Variants in MICAL2 observed in about 807,000 individuals in gnomAD.
MICAL2 encodes [F-actin]-monooxygenase MICAL2.
A neutral mutation model predicts 127.3 loss-of-function variants in MICAL2; 77 were observed. The ratio of observed to expected loss-of-function variants is 0.60; its 90% confidence interval spans 0.50 to 0.73. The LOEUF (loss-of-function observed/expected upper bound fraction) is 0.73. Ranked by LOEUF, MICAL2 falls within the 30% of genes least tolerant of loss-of-function variation. The pLI is 0.00. For synonymous variants in MICAL2, 570 were observed against 551.1 expected (o/e 1.03, Z -0.48); for missense variants, 1,351 against 1,434.4 (o/e 0.94, Z 0.94).
chr11:12,265,113 C>A (rs747725045), downstream of MICAL2, among the ~76,000 whole-genome samples: 1 of 152,214 alleles, frequency 6.6e-6, no homozygotes, highest in African/African-American at 2.4e-5. Context: ...TCCATGATCA[C>A]AACATTTGAG....
At position 12,241,217 on chromosome 11, in the gene MICAL2, C is replaced by T. The variant is rs1009056209; in HGVS notation, c.2337+55C>T. The T allele has an allele frequency of 5.1e-6, 8 of 1,576,940 alleles. No individual in the cohort carries two copies. In the African/African-American group the frequency reaches 6.8e-5, roughly 13 times the overall value. On this transcript the variant is annotated intron_variant, in intron 18 of 27. Coordinates refer to ENST00000683283, the MANE Select transcript of MICAL2 (RefSeq NM_001282663.2). The stretch of plus-strand genomic sequence containing the variant: ...GGTGAAGCCAGAGGGGACTTTGATC[C>T]AGATGGGTGGGGTCAGTGGCTCTTC...
chr11:12,266,325 G>A (rs1398334211), downstream of MICAL2, among the ~76,000 whole-genome samples: 1 of 152,150 alleles, frequency 6.6e-6, no homozygotes, highest in Non-Finnish European at 1.5e-5. Context: ...AATTTATCCT[G>A]AGGAAATAAT....
intron 3 of MICAL2, among the ~76,000 whole-genome samples, chr11:12,202,204 A>G (rs1410385121): frequency 6.6e-6 from 1 of 151,938 alleles, no homozygotes; most frequent in Non-Finnish European, 1.5e-5. Context: ...CTCCCAAAGT[A>G]TCCTTCTCTC....
intron 32 of MICAL2, among the ~76,000 whole-genome samples, chr11:12,329,781 T>C (rs192447991): frequency 6.6e-6 from 1 of 151,112 alleles, no homozygotes; most frequent in African/African-American, 2.4e-5. Flanking sequence ...AGAATTTGTC[T>C]AATTTTTACT....
chr11:12,238,234 T>C (rs1859362622), intron 16 of MICAL2, among the ~76,000 whole-genome samples: 1 of 152,232 alleles, frequency 6.6e-6, no homozygotes, highest in Non-Finnish European at 1.5e-5. Flanking sequence ...CCACTTGCTG[T>C]GGCAGCACCA....
At chr11:12,182,855 C>T (rs2133960363) in intron 3 of MICAL2, among the ~76,000 whole-genome samples, 1 of 152,278 alleles carries the variant, frequency 6.6e-6, no homozygotes, top group African/African-American at 2.4e-5. Flanking sequence ...ATCCTCTGCT[C>T]ACTGGAGTGC....
At chr11:12,114,602 C>T (rs759884019) in intron 1 of MICAL2, among the ~76,000 whole-genome samples, 2 of 152,128 alleles carry the variant, frequency 1.3e-5, no homozygotes, top group Admixed American at 6.5e-5. Flanking sequence ...CACTGAACGC[C>T]GTGTCTGGGA....
In MICAL2 at chr11:12,236,175, A is replaced by T; in HGVS notation, c.1996-2A>T. ...CTCACCCTGCTTTCTTGGCCATTGCAGGTGGATGGTCAAACCGGAGAGAAT... is the reference window on the plus strand; with the variant it reads ...CTCACCCTGCTTTCTTGGCCATTGCTGGTGGATGGTCAAACCGGAGAGAAT... On this transcript the variant is annotated splice_acceptor_variant, in intron 15 of 27. Transcript: ENST00000683283. LOFTEE classifies it high-confidence loss of function. The T allele has an allele frequency of 6.2e-7, 1 of 1,614,056 alleles. No homozygotes were observed. The highest frequency in any genetic ancestry group is 8.5e-7 in the Non-Finnish European group (1 of 1,179,924).
chr11:12,158,148 T>C (rs1056448132), intron 2 of MICAL2, among the ~76,000 whole-genome samples: 2 of 152,070 alleles, frequency 1.3e-5, no homozygotes, highest in Non-Finnish European at 2.9e-5. Context: ...TTTTGGATTT[T>C]GGGATTTGGG....
At chr11:12,146,885 A>G (rs962380333) in intron 2 of MICAL2, among the ~76,000 whole-genome samples, 2 of 152,218 alleles carry the variant, frequency 1.3e-5, no homozygotes, top group Admixed American at 1.3e-4. Flanking sequence ...CAGCCATAAA[A>G]ATGGATGAGT....
intron 1 of MICAL2, among the ~76,000 whole-genome samples, chr11:12,280,326 T>C (rs888828965): frequency 6.6e-6 from 1 of 152,236 alleles, no homozygotes; most frequent in East Asian, 1.9e-4. Context: ...GCAGGCTTTA[T>C]TCAAACAGCT....
intron 34 of MICAL2, among the ~76,000 whole-genome samples, chr11:12,357,104 C>T (rs1360074374): frequency 2.0e-5 from 3 of 152,164 alleles, no homozygotes; most frequent in Non-Finnish European, 4.4e-5. Flanking sequence ...GTTTCTTTGT[C>T]TCCCTTTCAT....
At chr11:12,140,543 C>T (rs1024155492) in intron 2 of MICAL2, among the ~76,000 whole-genome samples, 7 of 150,148 alleles carry the variant, frequency 4.7e-5, no homozygotes, top group African/African-American at 1.7e-4. Flanking sequence ...AGTGGACCCT[C>T]TTTGGCAGCA....
intron 32 of MICAL2, among the ~76,000 whole-genome samples, chr11:12,333,323 G>T (rs1938685325): frequency 6.6e-6 from 1 of 151,086 alleles, no homozygotes; most frequent in African/African-American, 2.4e-5. Context: ...AAAATCATTT[G>T]ACACAATTTA....
chr11:12,211,491 G>A (rs1437537195), intron 6 of MICAL2, among the ~76,000 whole-genome samples: 1 of 152,218 alleles, frequency 6.6e-6, no homozygotes, highest in African/African-American at 2.4e-5. Flanking sequence ...GCAGATGTGT[G>A]GGGCATTCCC....
chr11:12,195,711 T>C (rs11601337), intron 3 of MICAL2, among the ~76,000 whole-genome samples: 44,281 of 151,132 alleles, frequency 0.29, 6,790 homozygotes, highest in Admixed American at 0.39. Flanking sequence ...ATTTCTTTTT[T>C]TTTTTTTTTG....
upstream of MICAL2, among the ~76,000 whole-genome samples, chr11:12,273,888 G>T (rs890568188): frequency 6.6e-6 from 1 of 152,104 alleles, no homozygotes; most frequent in Non-Finnish European, 1.5e-5. Context: ...TGTGGACTGT[G>T]CTGGGGGTAG....
At chr11:12,334,266 A>G (rs1938704453) in intron 32 of MICAL2, among the ~76,000 whole-genome samples, 1 of 152,170 alleles carries the variant, frequency 6.6e-6, no homozygotes, top group African/African-American at 2.4e-5. Context: ...TAACCTATGC[A>G]CGTCCTCTTG....
intron 29 of MICAL2, chr11:12,303,752 G>A (rs111556319): frequency 1.3e-5 from 2 of 152,276 alleles, no homozygotes; most frequent in African/African-American, 4.8e-5. Flanking sequence ...TTTGTAATCT[G>A]TATAGATTCT....
Sources: allele counts gnomAD v4.1 joint callset (sites outside exome capture counted in the v4.1 genomes callset), GRCh38; gene constraint gnomAD v4.1.1; transcripts MANE v1.5; gene names NCBI Gene and HGNC (gene_info 2026-07-23, HGNC 2026-07-21).